Variants in GPR157 observed in about 807,000 individuals in gnomAD.
The protein encoded by GPR157 is G-protein coupled receptor 157.
Under a neutral mutation model 23.5 loss-of-function variants are expected in GPR157, and 16 were observed. The observed-to-expected ratio is 0.68, with a 90% CI of 0.46 to 1.04. The LOEUF is 1.04. Among genes scored for constraint, GPR157 ranks in the 50% least tolerant of loss-of-function variants. The pLI, the probability that GPR157 is intolerant of heterozygous loss-of-function variation, is 0.00. For missense variants in GPR157, 440 were observed against 460.7 expected, an observed-to-expected ratio of 0.96 and a Z score of 0.41; for synonymous variants, 200 against 221.5, an observed-to-expected ratio of 0.90 and a Z score of 0.86.
chr1:9,112,484 GCT>G (rs1553174687), intron 1 of GPR157, among the ~76,000 whole-genome samples: 1 of 152,090 alleles, frequency 6.6e-6, no homozygotes, highest in Non-Finnish European at 1.5e-5. Flanking sequence ...ACGGAGTCTC[GCT>G]CTGTCACCCA....
chr1:9,123,174 A>AAAAAAATATATAT (rs1553175764), intron 1 of GPR157, among the ~76,000 whole-genome samples: 7 of 117,090 alleles, frequency 6.0e-5, no homozygotes, highest in Admixed American at 3.3e-4. Context: ...AAAAAAAAAA[A>AAAAAAATATATAT]ATATATATAT....
intron 1 of GPR157, among the ~76,000 whole-genome samples, chr1:9,124,498 G>A (rs1569979982): frequency 1.3e-5 from 2 of 152,276 alleles, no homozygotes; most frequent in South Asian, 4.1e-4. Flanking sequence ...ATAGCTCTGG[G>A]AATGGAATGC....
rs58041982 is a variant in GPR157, at chr1:9,116,295, TTA to T, written c.384-4808_384-4807del. ...TAATTATATATAAATTATATATAAATTATATATATTATATTATATATAATATA... is the reference window on the plus strand; with the variant it reads ...TAATTATATATAAATTATATATAAATTATATATTATATTATATATAATATA... On this transcript the variant is annotated intron_variant, in intron 1 of 3. Transcript: ENST00000377411. Among the ~76,000 whole-genome samples the T allele has an allele frequency of 3.9e-3, 68 of 17,324 alleles. 17 individuals are homozygous for T. The highest frequency in any genetic ancestry group is 0.029 in the African/African-American group (65 of 2,206). 11.4% of individuals were successfully genotyped at this position (17,324 alleles called of 152,430 possible).
rs901471546 is a variant in GPR157 at position 9,128,772 on chromosome 1, A to T, written c.256T>A (p.Ser86Thr). The T allele has an allele frequency of 1.2e-6, 2 of 1,612,066 alleles. No individual in the cohort carries two copies. Among genetic ancestry groups the T allele is most frequent in the African/African-American group, 2.7e-5 (2 of 74,898 alleles). ...AAGGAGCTGGTGTTGGCGAAGGTGG[A>T]CAGCGCGCCCTGCAGCACGCAGTCC... Reference protein sequence around the residue: ...SWDCVLQGALSTFANTSSFFW... With the variant: ...SWDCVLQGALTTFANTSSFFW... The change falls in exon 1 of 4, where the codon TCC becomes ACC. Residue 86 changes from serine (S) to threonine (T), a missense_variant. Transcript: ENST00000377411. The surrounding 1 kb of genome is among the most constrained non-coding windows in gnomAD (Gnocchi z 6.3).
At chr1:9,108,147 G>C (rs913831442) in intron 2 of GPR157, among the ~76,000 whole-genome samples, 1 of 152,132 alleles carries the variant, frequency 6.6e-6, no homozygotes, top group Non-Finnish European at 1.5e-5. Flanking sequence ...CGGCCCAGGG[G>C]AGGGGAGACG....
At chr1:9,123,487 AT>A (rs1638875761) in intron 1 of GPR157, among the ~76,000 whole-genome samples, 1 of 119,344 alleles carries the variant, frequency 8.4e-6, no homozygotes, top group African/African-American at 3.4e-5. Context: ...TATTTTAAAA[AT>A]ATATAAATTA....
chr1:9,121,142 G>C (rs1490289437), intron 1 of GPR157, among the ~76,000 whole-genome samples: 2 of 152,118 alleles, frequency 1.3e-5, no homozygotes, highest in African/African-American at 4.8e-5. Flanking sequence ...AGACCAGCCT[G>C]GCCAACATGG....
intron 1 of GPR157, among the ~76,000 whole-genome samples, chr1:9,123,591 T>TTA (rs1491194805): frequency 1.0e-4 from 3 of 29,966 alleles, no homozygotes; most frequent in African/African-American, 1.9e-4. Context: ...TATTTAATAT[T>TTA]AATGTATATT....
In GPR157 at chr1:9,123,639, A is replaced by ATAATATTAAATATATATTAAATATATAT. The variant is rs1557701229; in HGVS notation, c.383+5005_383+5006insATATATATTTAATATATATTTAATATTA. Among the ~76,000 whole-genome samples, 259 of 104,438 alleles carry ATAATATTAAATATATATTAAATATATAT rather than the reference A, an allele frequency of 2.5e-3. 1 individual carries two copies. Among genetic ancestry groups the ATAATATTAAATATATATTAAATATATAT allele is most frequent in the African/African-American group, 0.01 (247 of 23,844 alleles). The allele number at this position is 104,438 out of a possible 152,430, so 68.5% of individuals were successfully genotyped here. On this transcript the variant is annotated intron_variant, in intron 1 of 3. Coordinates refer to ENST00000377411, the MANE Select transcript of GPR157 (RefSeq NM_024980.5). ...AAAATTAAATATATTTTAAATATAC[A>ATAATATTAAATATATATTAAATATATAT]TTAATATTAAATATATATTAAATAT...
At position 9,129,004 on chromosome 1, in the gene GPR157, G is replaced by C; in HGVS notation, c.24C>G (p.Thr8=). 4 of 1,312,478 alleles carry C rather than the reference G, an allele frequency of 3.0e-6. No homozygotes were observed. Among genetic ancestry groups the C allele is most frequent in the African/African-American group, 3.1e-5 (2 of 64,808 alleles). 81.3% of individuals were successfully genotyped at this position (1,312,478 alleles called of 1,614,324 possible). ...CGGCGCGCTCCGACGGCACCAGCTC[G>C]GTGGGCGGCGGGGACGGCTGCATGG... is the stretch of plus-strand genomic sequence containing the variant. MQPSPPP[T]ELVPSERAVV... is the part of the protein sequence containing the mutation. Residue 8 remains threonine, a synonymous_variant, in exon 1 of 4, where the codon ACC becomes ACG. Transcript: ENST00000377411.
At chr1:9,125,967 C>CTT (rs36090703) in intron 1 of GPR157, among the ~76,000 whole-genome samples, 1 of 138,998 alleles carries the variant, frequency 7.2e-6, no homozygotes, top group Non-Finnish European at 1.6e-5. Flanking sequence ...TGTATTCTGC[C>CTT]TTTTTTTTTT....
chr1:9,114,920 C>CAAAAA (rs70985588), intron 1 of GPR157, among the ~76,000 whole-genome samples: 4 of 85,508 alleles, frequency 4.7e-5, no homozygotes, highest in Admixed American at 1.4e-4. Flanking sequence ...GACTCCGTCT[C>CAAAAA]AAAAAAAAAA....
chr1:9,121,057 G>C (rs1569971644), intron 1 of GPR157, among the ~76,000 whole-genome samples: 1 of 152,232 alleles, frequency 6.6e-6, no homozygotes, highest in Non-Finnish European at 1.5e-5. Flanking sequence ...CTCAGGCCAG[G>C]TGCGGTGGCT....
intron 1 of GPR157, among the ~76,000 whole-genome samples, chr1:9,116,340 T>TATATATAA (rs1165282177): frequency 6.1e-5 from 1 of 16,422 alleles, no homozygotes; most frequent in Non-Finnish European, 8.6e-5. Flanking sequence ...TATATATAAT[T>TATATATAA]TATATATAAT....
intron 1 of GPR157, among the ~76,000 whole-genome samples, chr1:9,116,517 C>T (rs1451129298): frequency 5.7e-5 from 8 of 140,944 alleles, no homozygotes; most frequent in South Asian, 2.2e-4. Context: ...CCGAGGCGGG[C>T]GGATCATGAG....
rs1409355788 is a variant in GPR157 at position 9,101,187 on chromosome 1, A to G, written c.*3232T>C. On this transcript the variant is annotated 3_prime_UTR_variant, in exon 4 of 4. Coordinates refer to ENST00000377411, the MANE Select transcript of GPR157 (RefSeq NM_024980.5). Reference sequence around the variant, plus strand: ...CTCAGCCTCCTGAGTAGCTGGCACTACAGGCACACGAAACCACATCCAACT... The same window carrying G: ...CTCAGCCTCCTGAGTAGCTGGCACTGCAGGCACACGAAACCACATCCAACT... 6.6e-6 allele frequency: 1 copy of G among 150,500 alleles called. No individual in the cohort carries two copies. The highest frequency in any genetic ancestry group is 1.5e-5 in the Non-Finnish European group (1 of 67,900). 9.3% of individuals were successfully genotyped at this position (150,500 alleles called of 1,614,324 possible).
chr1:9,116,326 A>ATAT (rs1275563972), intron 1 of GPR157, among the ~76,000 whole-genome samples: 30 of 14,628 alleles, frequency 2.1e-3, no homozygotes, highest in East Asian at 0.016. Flanking sequence ...TAATATATAT[A>ATAT]AATTATATAT....
At chr1:9,126,655 T>C (rs1433492174) in intron 1 of GPR157, among the ~76,000 whole-genome samples, 1 of 152,194 alleles carries the variant, frequency 6.6e-6, no homozygotes, top group Non-Finnish European at 1.5e-5. Flanking sequence ...GGAGAGTCCT[T>C]AGTAAGGTCA....
intron 1 of GPR157, among the ~76,000 whole-genome samples, chr1:9,116,436 C>T (rs573162549): frequency 8.3e-6 from 1 of 120,794 alleles, no homozygotes; most frequent in South Asian, 2.4e-4. Flanking sequence ...AGCAAAATAG[C>T]TATGACACGA....
Sources: allele counts gnomAD v4.1 joint callset (sites outside exome capture counted in the v4.1 genomes callset), GRCh38; gene constraint gnomAD v4.1.1; non-coding constraint Gnocchi (gnomAD v3.1); transcripts MANE v1.5; gene names NCBI Gene and HGNC (gene_info 2026-07-23, HGNC 2026-07-21).